CHEK1: variants seen among roughly 807,000 people sequenced by gnomAD.
CHEK1 encodes the protein checkpoint kinase 1.
CHEK1 carries 32 observed loss-of-function variants against 60.2 expected under a neutral mutation model. The ratio of observed to expected loss-of-function variants is 0.53; its 90% confidence interval spans 0.40 to 0.71. CHEK1 has a LOEUF of 0.71. CHEK1 is among the 30% of genes least tolerant of loss of function. The pLI is 0.00. For missense variants in CHEK1, 399 were observed against 564.6 expected, an observed-to-expected ratio of 0.71 and a Z score of 2.97; for synonymous variants, 179 against 187.2, an observed-to-expected ratio of 0.96 and a Z score of 0.36.
chr11:125,672,830 T>A, intron 13 of CHEK1: 1 of 1,301,318 alleles, frequency 7.7e-7, no homozygotes, highest in Non-Finnish European at 1.0e-6. Flanking sequence ...CACTTGTCCA[T>A]TATCCCTTCT....
At chr11:125,657,474 A>G (rs1413890448), downstream of CHEK1, among the ~76,000 whole-genome samples, 1 of 152,092 alleles carries the variant, frequency 6.6e-6, no homozygotes, top group Non-Finnish European at 1.5e-5. Flanking sequence ...TCTTTCCCCC[A>G]GAAATAATCA....
intron 13 of CHEK1, among the ~76,000 whole-genome samples, chr11:125,675,567 A>G (rs1412014534): frequency 6.6e-6 from 1 of 152,170 alleles, no homozygotes; most frequent in Non-Finnish European, 1.5e-5. Flanking sequence ...AGTATCCCTT[A>G]TTTTAGGGAT....
intron 8 of CHEK1, among the ~76,000 whole-genome samples, chr11:125,638,588 C>G (rs1941160469): frequency 6.6e-6 from 1 of 152,158 alleles, no homozygotes; most frequent in African/African-American, 2.4e-5. Flanking sequence ...AAGTCCAATT[C>G]TCCCCTGAGG....
At chr11:125,662,842 C>T (rs1942041669) in intron 13 of CHEK1, among the ~76,000 whole-genome samples, 1 of 152,174 alleles carries the variant, frequency 6.6e-6, no homozygotes, top group Non-Finnish European at 1.5e-5. Flanking sequence ...ATTCTCACCA[C>T]CAATATATGA....
At chr11:125,640,640 A>G (rs920534328) in intron 8 of CHEK1, among the ~76,000 whole-genome samples, 8 of 151,992 alleles carry the variant, frequency 5.3e-5, no homozygotes, top group African/African-American at 1.7e-4. Flanking sequence ...CGTGGTCTCC[A>G]CTTACTGAAA....
chr11:125,640,499 A>G (rs1001559954), intron 8 of CHEK1, among the ~76,000 whole-genome samples: 10 of 149,764 alleles, frequency 6.7e-5, no homozygotes, highest in South Asian at 2.1e-4. Context: ...CCGAGATCGC[A>G]CCACTGCACT....
chr11:125,636,991 A>AT (rs1424074764), intron 7 of CHEK1, among the ~76,000 whole-genome samples: 1 of 152,116 alleles, frequency 6.6e-6, no homozygotes, highest in Non-Finnish European at 1.5e-5. Context: ...AGATACGTGA[A>AT]TTTTTTCTCA....
chr11:125,649,932 A>G (rs1338692980), intron 11 of CHEK1: 1 of 152,106 alleles, frequency 6.6e-6, no homozygotes, highest in East Asian at 1.9e-4. Context: ...CTGATGAGAA[A>G]TCAGCTGTTA....
downstream of CHEK1, chr11:125,678,281 A>T: frequency 6.2e-7 from 1 of 1,613,940 alleles, no homozygotes; most frequent in African/African-American, 1.3e-5. Context: ...AAAGCTCATT[A>T]GGCTGACTTG....
intron 13 of CHEK1, among the ~76,000 whole-genome samples, chr11:125,672,887 G>A (rs957327550): frequency 3.9e-5 from 6 of 152,132 alleles, no homozygotes; most frequent in Admixed American, 3.9e-4. Context: ...CCCATCAGTT[G>A]CCCACTCCTT....
intron 13 of CHEK1, among the ~76,000 whole-genome samples, chr11:125,664,363 A>G (rs1942064130): frequency 6.7e-6 from 1 of 150,320 alleles, no homozygotes; most frequent in Non-Finnish European, 1.5e-5. Context: ...CCTCCCAAGT[A>G]GCTGGGATTA....
At chr11:125,651,949 C>T (rs1033582437) in intron 11 of CHEK1, among the ~76,000 whole-genome samples, 4 of 152,184 alleles carry the variant, frequency 2.6e-5, no homozygotes, top group Non-Finnish European at 5.9e-5. Flanking sequence ...TTGATTCACT[C>T]TCTCTCAGTT....
intron 13 of CHEK1, among the ~76,000 whole-genome samples, chr11:125,675,658 A>G (rs1942467843): frequency 6.6e-6 from 1 of 152,194 alleles, no homozygotes; most frequent in Non-Finnish European, 1.5e-5. Flanking sequence ...ACTTGTAGAC[A>G]GTTGTTTATT....
intron 8 of CHEK1, among the ~76,000 whole-genome samples, chr11:125,641,734 T>G (rs1462126018): frequency 6.6e-6 from 1 of 152,136 alleles, no homozygotes; most frequent in East Asian, 1.9e-4. Context: ...TCACATCCAG[T>G]ACACCAGCTA....
chr11:125,650,411 T>A (rs546573637), intron 11 of CHEK1, among the ~76,000 whole-genome samples: 1 of 152,048 alleles, frequency 6.6e-6, no homozygotes, highest in East Asian at 1.9e-4. Context: ...CTCTTGCCAG[T>A]GTTTGTTACC....
chr11:125,642,907 G>C (rs1941358327), intron 8 of CHEK1: 1 of 152,156 alleles, frequency 6.6e-6, no homozygotes, highest in African/African-American at 2.4e-5. Flanking sequence ...AATGATCCTT[G>C]TGGAGAAAAG....
intron 3 of CHEK1, among the ~76,000 whole-genome samples, chr11:125,628,436 A>C (rs1366581935): frequency 6.6e-6 from 1 of 152,242 alleles, no homozygotes; most frequent in Non-Finnish European, 1.5e-5. Flanking sequence ...AAATAAGTTT[A>C]TCAGTTAAAA....
intron 13 of CHEK1, among the ~76,000 whole-genome samples, chr11:125,664,949 G>T (rs1361513118): frequency 6.6e-6 from 1 of 152,030 alleles, no homozygotes; most frequent in Non-Finnish European, 1.5e-5. Flanking sequence ...GTTGATTTTT[G>T]TGTGTGTGTA....
chr11:125,680,449 G>A (rs183874783), downstream of CHEK1, among the ~76,000 whole-genome samples: 180 of 152,274 alleles, frequency 1.2e-3, 1 homozygote, highest in Non-Finnish European at 1.5e-3. Flanking sequence ...GAACCCCTAA[G>A]CCTACTTTTT....
Sources: gnomAD v4.1 joint callset for allele counts (sites outside exome capture counted in the v4.1 genomes callset) on GRCh38, gnomAD v4.1.1 for gene constraint, MANE v1.5 for transcripts, NCBI Gene and HGNC (gene_info 2026-07-23, HGNC 2026-07-21) for gene names.